Variants in SAMM50 observed in about 807,000 individuals in gnomAD.
The protein encoded by SAMM50 is SAMM50 sorting and assembly machinery component.
A neutral mutation model predicts 66.9 loss-of-function variants in SAMM50; 47 were observed. The ratio of observed to expected loss-of-function variants is 0.70; its 90% CI spans 0.56 to 0.90. The LOEUF (loss-of-function observed/expected upper bound fraction) is 0.90, where lower values mean the gene tolerates loss of function less well. Among genes scored for constraint, SAMM50 ranks in the 40% least tolerant of loss-of-function variants. SAMM50 has a pLI of 0.00. For missense variants in SAMM50, 535 were observed against 595.3 expected, an observed-to-expected ratio of 0.90 and a Z score of 1.05; for synonymous variants, 191 against 214.1, an observed-to-expected ratio of 0.89 and a Z score of 0.94.
chr22:43,963,248 A>T, intron 1 of SAMM50, 38 bp from the exon 2 acceptor site: 1 of 1,336,318 alleles, frequency 7.5e-7, no homozygotes, highest in Non-Finnish European at 1.1e-6. Flanking sequence ...TATATATGTG[A>T]CAAAGTCATT....
chr22:43,990,627 G>A (rs1167109614), intron 14 of SAMM50, among the ~76,000 whole-genome samples: 2 of 152,064 alleles, frequency 1.3e-5, no homozygotes, highest in Non-Finnish European at 2.9e-5. Flanking sequence ...TCCCTCAGGT[G>A]CTTTGTGCTT....
intron 7 of SAMM50, among the ~76,000 whole-genome samples, chr22:43,973,803 C>T (rs752933745): frequency 1.3e-5 from 2 of 152,062 alleles, no homozygotes; most frequent in African/African-American, 2.4e-5. Flanking sequence ...GTAGAGATGG[C>T]GGTTTCCTTA....
At chr22:43,980,118 A>AT (rs2050255659) in intron 10 of SAMM50, among the ~76,000 whole-genome samples, 1 of 120,582 alleles carries the variant, frequency 8.3e-6, no homozygotes, top group Non-Finnish European at 1.8e-5. Context: ...CCATCCACCC[A>AT]CCCACCTACC....
chr22:43,955,925 T>C (rs1054447855), intron 1 of SAMM50, among the ~76,000 whole-genome samples: 1 of 152,232 alleles, frequency 6.6e-6, no homozygotes, highest in African/African-American at 2.4e-5. Context: ...TTTCTCTCTT[T>C]ACTGGTCACT....
chr22:43,989,907 T>G (rs2050314180), intron 13 of SAMM50, among the ~76,000 whole-genome samples: 1 of 152,006 alleles, frequency 6.6e-6, no homozygotes, highest in Non-Finnish European at 1.5e-5. Context: ...GATGCCTGGG[T>G]GCTAGGGGTG....
chr22:43,978,940 G>C (rs1288955629), intron 10 of SAMM50, among the ~76,000 whole-genome samples: 8 of 152,166 alleles, frequency 5.3e-5, no homozygotes, highest in African/African-American at 1.9e-4. Flanking sequence ...TTCAGCCCTT[G>C]ACTCTGCACT....
intron 13 of SAMM50, 91 bp downstream of exon 13, chr22:43,989,348 T>A: frequency 2.1e-6 from 3 of 1,408,442 alleles, no homozygotes; most frequent in Non-Finnish European, 1.9e-6. Context: ...TCTTTTTTTT[T>A]TTTTTTTGAG....
intron 3 of SAMM50, among the ~76,000 whole-genome samples, chr22:43,967,009 C>T (rs1194481384): frequency 2.0e-5 from 3 of 152,162 alleles, no homozygotes; most frequent in Admixed American, 6.5e-5. Context: ...CCTCTTCTTG[C>T]GCTTGCCTCT....
chr22:43,996,328 C>CT lies in SAMM50; in HGVS notation c.1365-3dup, dbSNP rs750095226. On this transcript the variant is annotated splice_polypyrimidine_tract_variant and intron_variant, in intron 14 of 14. Coordinates refer to ENST00000350028, the MANE Select transcript of SAMM50 (RefSeq NM_015380.5). ...GCGGCCGCCGCATCTGATCTCTCCC[C>CT]TTTTTTTAGGATATGTGATGGCGTC... 8 of 1,613,896 alleles carry CT rather than the reference C, an allele frequency of 5.0e-6. No individual in the cohort carries two copies. The highest frequency in any genetic ancestry group is 6.8e-6 in the Non-Finnish European group (8 of 1,179,930).
chr22:43,972,081 G>C (rs1259170337), intron 4 of SAMM50, among the ~76,000 whole-genome samples, 155 bp from the exon 5 acceptor site: 2 of 152,136 alleles, frequency 1.3e-5, no homozygotes, highest in Non-Finnish European at 2.9e-5. Flanking sequence ...TTTTGTGTGG[G>C]AGTGTTCTTA....
chr22:43,957,076 G>C (rs1018821664), intron 1 of SAMM50: 3 of 1,015,100 alleles, frequency 3.0e-6, no homozygotes, highest in Non-Finnish European at 4.7e-6. Context: ...TATAAGTGGA[G>C]TCTCCGGAAC....
chr22:43,960,084 C>T (rs1300699349), intron 1 of SAMM50, among the ~76,000 whole-genome samples: 9 of 152,118 alleles, frequency 5.9e-5, no homozygotes, highest in Admixed American at 2.6e-4. Flanking sequence ...ATTTTTTCAG[C>T]GTAATGGGAT....
chr22:43,957,141 A>G (rs2050123713), intron 1 of SAMM50: 1 of 781,470 alleles, frequency 1.3e-6, no homozygotes, highest in Middle Eastern at 3.6e-4. Context: ...CCGAGATGAA[A>G]CAGAATTCTA....
chr22:43,963,790 G>C (rs1009885588), intron 2 of SAMM50, among the ~76,000 whole-genome samples: 2 of 152,186 alleles, frequency 1.3e-5, no homozygotes, highest in South Asian at 2.1e-4. Context: ...AGTTCTTGAA[G>C]AGTTTACTCT....
At chr22:43,979,417 A>T (rs2050250983) in intron 10 of SAMM50, among the ~76,000 whole-genome samples, 1 of 152,158 alleles carries the variant, frequency 6.6e-6, no homozygotes, top group South Asian at 2.1e-4. Context: ...TGCACAGTGC[A>T]CCCGGCTGCC....
At chr22:43,996,083 A>C in intron 14 of SAMM50, 1 of 583,904 alleles carries the variant, frequency 1.7e-6, no homozygotes. Flanking sequence ...AGGAGGGAGT[A>C]GTGCAGGAGG....
At chr22:43,976,320 TC>T in intron 8 of SAMM50, 137 bp downstream of exon 8, 1 of 965,950 alleles carries the variant, frequency 1.0e-6, no homozygotes. Flanking sequence ...CGGCCCCCAC[TC>T]CCCGAGGGCT....
chr22:43,975,975 A>G (rs1306766229), intron 7 of SAMM50, 80 bp from the exon 8 acceptor site: 3 of 1,423,306 alleles, frequency 2.1e-6, no homozygotes, highest in African/African-American at 2.8e-5. Context: ...TTGTTTCATG[A>G]TGCTTCATTC....
At chr22:43,991,275 A>ATTT (rs938187573) in intron 14 of SAMM50, among the ~76,000 whole-genome samples, 3 of 116,638 alleles carry the variant, frequency 2.6e-5, no homozygotes, top group African/African-American at 3.3e-5. Context: ...CACGCCCGGC[A>ATTT]TTTTTTTTTT....
Sources: gnomAD v4.1 joint callset for allele counts (sites outside exome capture counted in the v4.1 genomes callset) on GRCh38, gnomAD v4.1.1 for gene constraint, MANE v1.5 for transcripts, NCBI Gene and HGNC (gene_info 2026-07-23, HGNC 2026-07-21) for gene names.